RNF216: variants seen among roughly 807,000 people sequenced by gnomAD.
The protein encoded by RNF216 is ring finger protein 216, also known as E3 ubiquitin-protein ligase RNF216.
Under a neutral mutation model 110.8 loss-of-function variants are expected in RNF216, and 72 were observed. The observed-to-expected ratio is 0.65, with a 90% CI of 0.54 to 0.79. RNF216 has a LOEUF of 0.79. Ranked by LOEUF, RNF216 falls within the 30% of genes least tolerant of loss-of-function variation. RNF216 has a pLI of 0.00. For missense variants in RNF216, 1,342 were observed against 1,141.2 expected (o/e 1.18, Z -2.54); for synonymous variants, 495 against 407.5 (o/e 1.21, Z -2.59).
intron 1 of RNF216, chr7:5,777,644 A>G: frequency 6.6e-6 from 1 of 152,406 alleles, no homozygotes. Flanking sequence ...AAGGAAGAAC[A>G]AAGCAGATGA....
chr7:5,728,727 T>C (rs1793912177), intron 7 of RNF216, among the ~76,000 whole-genome samples: 1 of 152,138 alleles, frequency 6.6e-6, no homozygotes, highest in Admixed American at 6.5e-5. Flanking sequence ...CGTTTGTCCT[T>C]TGGACAAAAG....
chr7:5,695,414 T>C (rs1031348367), intron 13 of RNF216, among the ~76,000 whole-genome samples: 9 of 152,098 alleles, frequency 5.9e-5, no homozygotes, highest in African/African-American at 2.2e-4. Context: ...CCACATCGCC[T>C]TCCTCTCCTG....
intron 13 of RNF216, among the ~76,000 whole-genome samples, chr7:5,693,398 T>C (rs1173653078): frequency 6.6e-6 from 1 of 152,214 alleles, no homozygotes; most frequent in Non-Finnish European, 1.5e-5. Context: ...CCCCCCGGTA[T>C]GGACCTCCAC....
intron 10 of RNF216, 97 bp downstream of exon 10, chr7:5,716,619 C>G: frequency 9.9e-7 from 1 of 1,009,168 alleles, no homozygotes; most frequent in Non-Finnish European, 1.5e-6. Flanking sequence ...GGAGGTTATC[C>G]AAAAACAAAT....
At position 5,721,118 on chromosome 7, in the gene RNF216, C is replaced by G. The variant is rs1452247720; in HGVS notation, c.1559G>C (p.Cys520Ser). 6.2e-7 allele frequency: 1 copy of G among 1,613,988 alleles called. No homozygotes were observed. Among genetic ancestry groups the G allele is most frequent in the Non-Finnish European group, 8.5e-7 (1 of 1,179,838 alleles). ...GAGAGCACGTCGGTCATAGGACCTACAATGTCGTCGCTTATTTTCAAGAAA... is the reference window on the plus strand; with the variant it reads ...GAGAGCACGTCGGTCATAGGACCTAGAATGTCGTCGCTTATTTTCAAGAAA... ...MFFLENKRRH[C>S]RSYDRRALLP... The change falls in exon 9 of 17, where the codon TGT becomes TCT. Residue 520 changes from cysteine to serine, a missense_variant. Coordinates refer to ENST00000389902, the MANE Select transcript of RNF216 (RefSeq NM_207111.4).
At chr7:5,656,033 C>G (rs574754238) in intron 13 of RNF216, among the ~76,000 whole-genome samples, 33 of 152,146 alleles carry the variant, frequency 2.2e-4, no homozygotes, top group African/African-American at 7.7e-4. Flanking sequence ...CTTTGGAAGG[C>G]TGAGGGGAGC....
chr7:5,756,610 G>T (rs1166953336), intron 2 of RNF216, among the ~76,000 whole-genome samples: 1 of 152,068 alleles, frequency 6.6e-6, no homozygotes, highest in Non-Finnish European at 1.5e-5. Flanking sequence ...GGCTAGGCTG[G>T]GTTTGTTTTT....
At chr7:5,650,453 T>C (rs1788321469) in intron 14 of RNF216, among the ~76,000 whole-genome samples, 1 of 152,190 alleles carries the variant, frequency 6.6e-6, no homozygotes, top group Non-Finnish European at 1.5e-5. Flanking sequence ...CTGAGTCCTG[T>C]AGTAGTCCAG....
chr7:5,699,212 G>T (rs1487772655), intron 13 of RNF216, among the ~76,000 whole-genome samples: 4 of 152,034 alleles, frequency 2.6e-5, no homozygotes, highest in Non-Finnish European at 5.9e-5. Context: ...TAATTTTGAA[G>T]CAAATCCCAG....
chr7:5,752,744 AG>A (rs1795397861), intron 3 of RNF216, 101 bp downstream of exon 3: 12 of 1,149,050 alleles, frequency 1.0e-5, no homozygotes, highest in Middle Eastern at 2.8e-4. Flanking sequence ...TCTCAGAACG[AG>A]TACAAGAGGT....
At chr7:5,685,748 T>C (rs1219164980) in intron 13 of RNF216, among the ~76,000 whole-genome samples, 1 of 152,194 alleles carries the variant, frequency 6.6e-6, no homozygotes, top group Non-Finnish European at 1.5e-5. Context: ...TCTCAGTAGC[T>C]AAATCAAATT....
chr7:5,751,090 G>A (rs1405799360), intron 3 of RNF216, among the ~76,000 whole-genome samples: 5 of 152,156 alleles, frequency 3.3e-5, no homozygotes, highest in South Asian at 2.1e-4. Context: ...GAGTCCTAAC[G>A]GCAGTCTCCT....
chr7:5,731,988 C>G (rs1439920405), intron 5 of RNF216, among the ~76,000 whole-genome samples: 2 of 152,182 alleles, frequency 1.3e-5, no homozygotes. Context: ...ATGCATTTCC[C>G]TTTGCCGTTA....
At chr7:5,701,455 C>T (rs970343845) in intron 13 of RNF216, among the ~76,000 whole-genome samples, 1 of 152,194 alleles carries the variant, frequency 6.6e-6, no homozygotes, top group Non-Finnish European at 1.5e-5. Flanking sequence ...CACACACCAT[C>T]CTCACTGGGC....
intron 11 of RNF216, among the ~76,000 whole-genome samples, 176 bp downstream of exon 11, chr7:5,714,877 A>T (rs563221807): frequency 2.0e-5 from 3 of 152,292 alleles, no homozygotes; most frequent in African/African-American, 7.2e-5. Context: ...CCTGAAAAGA[A>T]ATCTGCTGTG....
intron 3 of RNF216, among the ~76,000 whole-genome samples, chr7:5,745,439 T>C (rs879789166): frequency 1.3e-5 from 2 of 152,140 alleles, no homozygotes; most frequent in Admixed American, 6.5e-5. Flanking sequence ...CTCTTCTCTA[T>C]CAACACTATT....
intron 13 of RNF216, among the ~76,000 whole-genome samples, chr7:5,669,758 G>C (rs1396456364): frequency 6.6e-6 from 1 of 152,162 alleles, no homozygotes; most frequent in African/African-American, 2.4e-5. Context: ...CCGACATGGT[G>C]TTGTGCACTT....
At chr7:5,653,414 C>T (rs925127652) in intron 13 of RNF216, among the ~76,000 whole-genome samples, 14 of 151,512 alleles carry the variant, frequency 9.2e-5, no homozygotes, top group South Asian at 6.3e-4. Flanking sequence ...CTGGCTAACA[C>T]GGTGAAACCC....
At position 5,696,840 on chromosome 7, in the gene RNF216, T is replaced by C. The variant is rs906103847; in HGVS notation, c.2061+14921A>G. Among the ~76,000 whole-genome samples the C allele has an allele frequency of 1.3e-5, 2 of 152,142 alleles. No individual in the cohort carries two copies. Among genetic ancestry groups the C allele is most frequent in the East Asian group, 3.9e-4 (2 of 5,194 alleles). On this transcript the variant is annotated intron_variant, in intron 13 of 16. Transcript: ENST00000389902. This position sits in a 1 kb window ranked among gnomAD's most constrained non-coding sequence, Gnocchi z 5.4. ...CCAGGTTACTAGAAATGACTTGCCA[T>C]AGTGACTACATTGGCAAGGTGTTCC...
Sources: allele counts gnomAD v4.1 joint callset (sites outside exome capture counted in the v4.1 genomes callset), GRCh38; gene constraint gnomAD v4.1.1; non-coding constraint Gnocchi (gnomAD v3.1); transcripts MANE v1.5; gene names NCBI Gene and HGNC (gene_info 2026-07-23, HGNC 2026-07-21).